PDE11A: variants seen among roughly 807,000 people sequenced by gnomAD.
PDE11A encodes the protein dual 3',5'-cyclic-AMP and -GMP phosphodiesterase 11A.
A neutral mutation model predicts 100.5 loss-of-function variants in PDE11A; 100 were observed. The observed-to-expected ratio is 1.00, with a 90% CI of 0.85 to 1.18. The LOEUF is 1.18. Ranked by LOEUF, PDE11A falls within the 50% of genes most tolerant of loss-of-function variation. PDE11A has a pLI of 0.00. For synonymous variants in PDE11A, 381 were observed against 420.8 expected, an observed-to-expected ratio of 0.91 and a Z score of 1.16; for missense variants, 1,141 against 1,152.6, an observed-to-expected ratio of 0.99 and a Z score of 0.15.
At chr2:177,886,858 A>C (rs80176279) in intron 4 of PDE11A, among the ~76,000 whole-genome samples, 13,860 of 152,198 alleles carry the variant, frequency 0.091, 636 homozygotes, top group Middle Eastern at 0.15. Flanking sequence ...AAGAGAGAAG[A>C]AAAGGAGAGG....
intron 10 of PDE11A, among the ~76,000 whole-genome samples, chr2:177,759,657 G>C (rs905793895): frequency 6.6e-6 from 1 of 152,162 alleles, no homozygotes; most frequent in Non-Finnish European, 1.5e-5. Context: ...GAAGACAGGC[G>C]AGATGTCAGA....
intron 10 of PDE11A, among the ~76,000 whole-genome samples, chr2:177,759,184 C>G (rs1027560609): frequency 2.0e-5 from 3 of 151,092 alleles, no homozygotes; most frequent in Non-Finnish European, 4.4e-5. Context: ...CACACACACA[C>G]ACACACACAC....
intron 2 of PDE11A, among the ~76,000 whole-genome samples, chr2:177,991,668 T>C (rs6761951): frequency 0.95 from 142,940 of 151,060 alleles, 68,301 homozygotes; most frequent in East Asian, 1. Flanking sequence ...ATATACCTTA[T>C]ATTTGGAAAT....
chr2:177,712,855 C>T (rs551690167), intron 12 of PDE11A, among the ~76,000 whole-genome samples: 6 of 152,208 alleles, frequency 3.9e-5, no homozygotes, highest in Admixed American at 3.9e-4. Flanking sequence ...GATTAGGGTA[C>T]AAATTGCTTC....
Position 178,072,580 on chromosome 2 carries a change from G to A in PDE11A, c.-143C>T. On this transcript the variant is annotated 5_prime_UTR_variant, in exon 1 of 20. Transcript: ENST00000286063. ...TCCCCTGGAGATTATTCCCAGCAGT[G>A]GAATCTGGGAGATGCCCCTTCCTTC... 1 of 1,524,960 alleles carries A rather than the reference G, an allele frequency of 6.6e-7. No individual in the cohort carries two copies. The highest frequency in any genetic ancestry group is 2.5e-5 in the East Asian group (1 of 40,802). The allele number at this position is 1,524,960 out of a possible 1,614,324, so 94.5% of individuals were successfully genotyped here.
chr2:178,072,183 C>T lies in PDE11A; in HGVS notation c.255G>A (p.Gln85=). The T allele has an allele frequency of 6.2e-7, 1 of 1,613,900 alleles. No homozygotes were observed. Among genetic ancestry groups the T allele is most frequent in the Non-Finnish European group, 8.5e-7 (1 of 1,179,870 alleles). The part of the protein sequence containing the change: ...GTGPNGSAHS[Q]PLPGGGDCGG... ...CACAGTCCCCGCCACCGGGAAGGGG[C>T]TGGCTGTGGGCAGAGCCATTTGGTC... The change falls in exon 1 of 20, where the codon CAG becomes CAA. Residue 85 remains glutamine, a synonymous_variant. Coordinates refer to ENST00000286063, the MANE Select transcript of PDE11A (RefSeq NM_016953.4).
intron 15 of PDE11A, among the ~76,000 whole-genome samples, chr2:177,689,796 C>G (rs2081016154): frequency 6.6e-6 from 1 of 152,152 alleles, no homozygotes; most frequent in Admixed American, 6.5e-5. Context: ...AAGAATTACT[C>G]TAGATGTTGA....
rs180848526 is a variant in PDE11A, at chr2:177,864,957, C to A, written c.1367+10902G>T. On this transcript the variant is annotated intron_variant, in intron 5 of 19. Coordinates refer to ENST00000286063, the MANE Select transcript of PDE11A (RefSeq NM_016953.4). ...CTTAGAATTCTGAGCCTGAATAGCA[C>A]CCTAATTGCAAAAAGCATGGTCATT... Among the ~76,000 whole-genome samples the A allele has an allele frequency of 1.3e-3, 191 of 152,158 alleles. 1 individual carries two copies. Among genetic ancestry groups the A allele is most frequent in the Middle Eastern group, 3.4e-3 (1 of 294 alleles).
intron 9 of PDE11A, among the ~76,000 whole-genome samples, chr2:177,790,925 T>C (rs542892991): frequency 4.6e-5 from 7 of 152,290 alleles, no homozygotes; most frequent in Admixed American, 1.3e-4. Context: ...AGGAACACTT[T>C]TACACTGTTG....
chr2:177,857,463 T>A (rs2083860974), intron 5 of PDE11A, among the ~76,000 whole-genome samples: 1 of 152,004 alleles, frequency 6.6e-6, no homozygotes, highest in African/African-American at 2.4e-5. Flanking sequence ...AATGGCATAA[T>A]GCAAAAATTA....
intron 5 of PDE11A, among the ~76,000 whole-genome samples, chr2:177,868,916 G>A (rs1316083667): frequency 6.6e-6 from 1 of 152,168 alleles, no homozygotes; most frequent in Non-Finnish European, 1.5e-5. Flanking sequence ...TTTTCACTGT[G>A]CAGATACATG....
chr2:177,858,119 T>C (rs1461775538), intron 5 of PDE11A, among the ~76,000 whole-genome samples: 1 of 152,034 alleles, frequency 6.6e-6, no homozygotes, highest in Non-Finnish European at 1.5e-5. Flanking sequence ...AAGACTTACA[T>C]GTTAGACCTA....
intron 2 of PDE11A, among the ~76,000 whole-genome samples, chr2:177,972,725 G>A (rs565896456): frequency 7.9e-5 from 12 of 152,278 alleles, no homozygotes; most frequent in South Asian, 2.1e-4. Flanking sequence ...AAGGGACATC[G>A]GTGGGACAGA....
chr2:177,998,725 C>T (rs2086107744), intron 2 of PDE11A: 11 of 959,782 alleles, frequency 1.1e-5, no homozygotes, highest in South Asian at 1.4e-5. Flanking sequence ...TCCGTGGTAT[C>T]GGCCATGATG....
At chr2:177,853,036 T>C (rs2083742751) in intron 5 of PDE11A, among the ~76,000 whole-genome samples, 1 of 152,170 alleles carries the variant, frequency 6.6e-6, no homozygotes, top group Admixed American at 6.6e-5. Context: ...GACTATCAGA[T>C]GGGTGTCAGA....
chr2:178,001,868 T>C (rs2086149386), intron 2 of PDE11A, among the ~76,000 whole-genome samples: 1 of 152,208 alleles, frequency 6.6e-6, no homozygotes, highest in Non-Finnish European at 1.5e-5. Flanking sequence ...TAAACATCTT[T>C]ATGTGTGGCA....
chr2:177,998,694 T>A (rs1559037277), intron 2 of PDE11A: 1 of 1,142,230 alleles, frequency 8.8e-7, no homozygotes, highest in Non-Finnish European at 1.3e-6. Context: ...TTGATAGGCA[T>A]CTTTATGCTG....
At chr2:177,920,388 AG>A (rs932860092) in intron 2 of PDE11A, among the ~76,000 whole-genome samples, 32 of 152,252 alleles carry the variant, frequency 2.1e-4, no homozygotes, top group African/African-American at 6.7e-4. Flanking sequence ...TTTGCCAAAA[AG>A]AAACACAAAT....
At chr2:177,888,001 T>C (rs746990224) in intron 4 of PDE11A, among the ~76,000 whole-genome samples, 1 of 152,050 alleles carries the variant, frequency 6.6e-6, no homozygotes, top group Non-Finnish European at 1.5e-5. Flanking sequence ...CCTGGAGACT[T>C]CTAGTCATGT....
Sources: gnomAD v4.1 joint callset for allele counts (sites outside exome capture counted in the v4.1 genomes callset) on GRCh38, gnomAD v4.1.1 for gene constraint, MANE v1.5 for transcripts, NCBI Gene and HGNC (gene_info 2026-07-23, HGNC 2026-07-21) for gene names.